GFI1B: variants seen among roughly 807,000 people sequenced by gnomAD.
GFI1B encodes growth factor independent 1B transcriptional repressor.
Under a neutral mutation model 35.3 loss-of-function variants are expected in GFI1B, and 20 were observed. The observed-to-expected ratio is 0.57, with a 90% CI of 0.40 to 0.82. GFI1B has a LOEUF of 0.82. GFI1B is among the 40% of genes least tolerant of loss of function. The pLI, the probability that GFI1B is intolerant of heterozygous loss-of-function variation, is 0.00. For synonymous variants in GFI1B, 178 were observed against 177.6 expected, an observed-to-expected ratio of 1.00 and a Z score of -0.02; for missense variants, 430 against 446.3, an observed-to-expected ratio of 0.96 and a Z score of 0.33.
rs186916131 is a variant in GFI1B at position 132,983,705 on chromosome 9, G to A, written c.-20-2954G>A. Reference sequence around the variant, plus strand: ...AACCTGGGAAGACACTGCTTGACACGGGCACACGAGGGAGCTTCAAACTGC... The same window carrying A: ...AACCTGGGAAGACACTGCTTGACACAGGCACACGAGGGAGCTTCAAACTGC... On this transcript the variant is annotated intron_variant, in intron 1 of 6. Coordinates refer to ENST00000372122, the MANE Select transcript of GFI1B (RefSeq NM_001377304.1). Among the ~76,000 whole-genome samples the A allele has an allele frequency of 1.4e-4, 22 of 152,276 alleles. No individual in the cohort carries two copies. In the East Asian group the frequency reaches 3.9e-3, roughly 27 times the overall value.
chr9:132,958,141 G>A (rs1261482558), intron 1 of GFI1B, among the ~76,000 whole-genome samples: 1 of 152,090 alleles, frequency 6.6e-6, no homozygotes, highest in African/African-American at 2.4e-5. Context: ...GACATCTGCT[G>A]GGGTGTAGAG....
intron 1 of GFI1B, among the ~76,000 whole-genome samples, chr9:132,958,722 G>A (rs1848320428): frequency 6.6e-6 from 1 of 152,190 alleles, no homozygotes; most frequent in Non-Finnish European, 1.5e-5. Flanking sequence ...GCTAGGGTGT[G>A]GGTGGTGCCA....
At chr9:132,968,086 TTTTATTTATTTATTTATTTATTTA>T (rs34989096) in intron 1 of GFI1B, among the ~76,000 whole-genome samples, 1 of 137,792 alleles carries the variant, frequency 7.3e-6, no homozygotes, top group African/African-American at 2.7e-5. Context: ...CCAGCCATTC[TTTTATTTATTTATTTATTTATTTA>T]TTTATTTATT....
chr9:132,991,934 C>T (rs145825426), downstream of GFI1B, among the ~76,000 whole-genome samples: 11 of 152,188 alleles, frequency 7.2e-5, no homozygotes, highest in East Asian at 1.9e-3. Context: ...GGGCGGTATC[C>T]GTTTCCTGTG....
In GFI1B at chr9:132,991,496, C is replaced by T. The variant is rs760002243; in HGVS notation, c.*446C>T. ...AACAGGCAGAGTCGGAGCTGCCTCCCACCCCAGTCAGAAGCCTGGCACCCC... is the reference window on the plus strand; with the variant it reads ...AACAGGCAGAGTCGGAGCTGCCTCCTACCCCAGTCAGAAGCCTGGCACCCC... On this transcript the variant is annotated 3_prime_UTR_variant, in exon 7 of 7. Transcript: ENST00000372122. The T allele has an allele frequency of 2.2e-4, 41 of 186,128 alleles. No individual in the cohort carries two copies. The highest frequency in any genetic ancestry group is 4.1e-4 in the Non-Finnish European group (36 of 87,130). The allele number at this position is 186,128 out of a possible 1,614,324, so 11.5% of individuals were successfully genotyped here.
At chr9:132,987,129 C>G (rs1277756652) in intron 2 of GFI1B, among the ~76,000 whole-genome samples, 153 bp from the exon 3 acceptor site, 6 of 152,186 alleles carry the variant, frequency 3.9e-5, no homozygotes, top group African/African-American at 4.8e-5. Context: ...GCCGCCTGCT[C>G]TGGGCAGAGC....
intron 1 of GFI1B, among the ~76,000 whole-genome samples, chr9:132,967,235 C>T (rs2132604569): frequency 6.6e-6 from 1 of 152,160 alleles, no homozygotes; most frequent in East Asian, 1.9e-4. Flanking sequence ...TCCCAGCCTC[C>T]AGAACTGTGA....
chr9:132,959,337 T>C (rs910367514), intron 1 of GFI1B, among the ~76,000 whole-genome samples: 1 of 152,184 alleles, frequency 6.6e-6, no homozygotes, highest in African/African-American at 2.4e-5. Context: ...AAGAAGGACA[T>C]GTTTGCTTCC....
At chr9:132,960,329 G>C (rs1466493934) in intron 1 of GFI1B, among the ~76,000 whole-genome samples, 1 of 152,134 alleles carries the variant, frequency 6.6e-6, no homozygotes, top group East Asian at 1.9e-4. Context: ...GTAGGGAATA[G>C]GAGGCAAGAA....
chr9:132,967,713 G>T (rs1409213005), intron 1 of GFI1B, among the ~76,000 whole-genome samples: 1 of 152,152 alleles, frequency 6.6e-6, no homozygotes, highest in Non-Finnish European at 1.5e-5. Flanking sequence ...TATGGGTGAA[G>T]TGTCATGATA....
At position 132,991,626 on chromosome 9, in the gene GFI1B, G is replaced by A. The variant is rs1849297790; in HGVS notation, c.*576G>A. ...ACCAGGCCGTGAGGCTGGAGAAACT[G>A]GCAGTTATTGCTGTCAAAAGCCTGT... is the stretch of plus-strand genomic sequence containing the variant. On this transcript the variant is annotated 3_prime_UTR_variant, in exon 7 of 7. Transcript: ENST00000372122. 6.3e-6 allele frequency: 1 copy of A among 158,898 alleles called. No individual in the cohort carries two copies. Among genetic ancestry groups the A allele is most frequent in the Non-Finnish European group, 1.4e-5 (1 of 71,780 alleles). The allele number at this position is 158,898 out of a possible 1,614,324, so 9.8% of individuals were successfully genotyped here.
rs143675585 is a variant in GFI1B, at chr9:132,988,135, G to A, written c.239-62G>A. The A allele has an allele frequency of 1.7e-4, 263 of 1,509,494 alleles. No homozygotes were observed. The African/African-American group carries it at 2.2e-3, about 12-fold the overall frequency. The allele number at this position is 1,509,494 out of a possible 1,614,324, so 93.5% of individuals were successfully genotyped here. ...TGCTGGAATTGCAGGCATGAGCCAC[G>A]CCACTGTGCCCAACCCCCTGTGTTT... On this transcript the variant is annotated intron_variant, in intron 3 of 6. Transcript: ENST00000372122.
At position 132,978,847 on chromosome 9, in the gene GFI1B, T is replaced by A. The variant is rs1848710187; in HGVS notation, c.-21+6T>A. 1 of 152,022 alleles carries A rather than the reference T, an allele frequency of 6.6e-6. No individual in the cohort carries two copies. The highest frequency in any genetic ancestry group is 2.4e-5 in the African/African-American group (1 of 41,318). The allele number at this position is 152,022 out of a possible 1,614,324, so 9.4% of individuals were successfully genotyped here. A position where few individuals can be genotyped will look rare whatever the true frequency, so the allele number is the denominator to read the frequency against. On this transcript the variant is annotated splice_donor_region_variant and intron_variant, in intron 1 of 6. Transcript: ENST00000372122. ...CGAGGGACAGCTCCGGACAGGTGAG[T>A]GCTGGAGGATGCGTTTCTACGCTTT...
chr9:132,977,952 G>A (rs1564530345), upstream of GFI1B, among the ~76,000 whole-genome samples: 2 of 152,170 alleles, frequency 1.3e-5, 1 homozygote, highest in South Asian at 4.1e-4. Context: ...CCGCTCAAAG[G>A]TCATATCTGG....
At chr9:132,987,182 C>G in intron 2 of GFI1B, 100 bp from the exon 3 acceptor site, 1 of 1,309,506 alleles carries the variant, frequency 7.6e-7, no homozygotes. Context: ...GTGGCTGTCT[C>G]TCTGGGCCTC....
At chr9:132,982,089 G>T (rs1056091828) in intron 1 of GFI1B, among the ~76,000 whole-genome samples, 3 of 152,192 alleles carry the variant, frequency 2.0e-5, no homozygotes, top group African/African-American at 7.2e-5. Context: ...AGTCAAAAAG[G>T]TTCTCTGTAG....
At chr9:132,986,009 G>A (rs1451103727) in intron 1 of GFI1B, among the ~76,000 whole-genome samples, 3 of 152,200 alleles carry the variant, frequency 2.0e-5, no homozygotes, top group Non-Finnish European at 4.4e-5. Flanking sequence ...AGGCTTGTCT[G>A]AGCGTTTTCT....
intron 1 of GFI1B, among the ~76,000 whole-genome samples, chr9:132,967,503 C>T (rs1848466914): frequency 1.3e-5 from 2 of 152,172 alleles, no homozygotes; most frequent in Non-Finnish European, 2.9e-5. Flanking sequence ...TCATGCAATG[C>T]TTGCAACTTG....
upstream of GFI1B, among the ~76,000 whole-genome samples, chr9:132,977,277 A>G (rs906104087): frequency 1.3e-5 from 2 of 152,088 alleles, no homozygotes; most frequent in African/African-American, 4.8e-5. Flanking sequence ...TTTTTTAAAA[A>G]GATGTTTCTT....
Sources: allele counts gnomAD v4.1 joint callset (sites outside exome capture counted in the v4.1 genomes callset), GRCh38; gene constraint gnomAD v4.1.1; transcripts MANE v1.5; gene names NCBI Gene and HGNC (gene_info 2026-07-23, HGNC 2026-07-21).